The following KCTD1 variants were observed in gnomAD, a reference collection of about 807,000 sequenced individuals.
The protein encoded by KCTD1 is BTB/POZ domain-containing protein KCTD1.
KCTD1 carries 24 observed loss-of-function variants against 66.0 expected under a neutral mutation model. That is an observed-to-expected ratio of 0.36 (90% CI 0.26 to 0.51). The LOEUF is 0.51. Among genes scored for constraint, KCTD1 ranks in the 20% least tolerant of loss-of-function variants. The pLI is 0.95. For missense variants in KCTD1, 943 were observed against 1,205.2 expected (o/e 0.78, Z 3.22); for synonymous variants, 511 against 517.2 (o/e 0.99, Z 0.16).
intron 1 of KCTD1, among the ~76,000 whole-genome samples, chr18:26,578,144 C>G (rs1986274131): frequency 6.7e-6 from 1 of 149,150 alleles, no homozygotes; most frequent in Non-Finnish European, 1.5e-5. Flanking sequence ...GCAACCTCAG[C>G]TTCCTGGGTT....
At chr18:26,471,147 C>A (rs183048645) in intron 3 of KCTD1, among the ~76,000 whole-genome samples, 28 of 152,180 alleles carry the variant, frequency 1.8e-4, no homozygotes, top group Admixed American at 6.5e-4. Context: ...AGTATACAGC[C>A]CCCCCAGGTC....
At chr18:26,608,543 C>A (rs1987066436) in intron 1 of KCTD1, among the ~76,000 whole-genome samples, 1 of 152,198 alleles carries the variant, frequency 6.6e-6, no homozygotes, top group Admixed American at 6.5e-5. Flanking sequence ...CCAGAAGGAG[C>A]CTGGGGGAGC....
intron 2 of KCTD1, among the ~76,000 whole-genome samples, chr18:26,479,939 CTA>C (rs1981547128): frequency 6.6e-6 from 1 of 152,090 alleles, no homozygotes; most frequent in African/African-American, 2.4e-5. Context: ...TGCCTGAAAA[CTA>C]TGTGGAACTC....
At chr18:26,622,468 C>T (rs1376361164) in intron 1 of KCTD1, among the ~76,000 whole-genome samples, 2 of 152,180 alleles carry the variant, frequency 1.3e-5, no homozygotes, top group East Asian at 3.8e-4. Flanking sequence ...GTGGGTAGCA[C>T]ACTGAATGTC....
At chr18:26,549,939 G>T, upstream of KCTD1, 2 of 341,712 alleles carry the variant, frequency 5.9e-6, no homozygotes, top group Non-Finnish European at 8.3e-6. Flanking sequence ...CCGCTCTCCC[G>T]GCCCAGGGGC....
chr18:26,534,564 T>G (rs535287850), intron 1 of KCTD1, among the ~76,000 whole-genome samples: 1 of 152,310 alleles, frequency 6.6e-6, no homozygotes, highest in East Asian at 1.9e-4. Context: ...CTCTCTCATT[T>G]TCCTCTAACC....
intron 1 of KCTD1, among the ~76,000 whole-genome samples, chr18:26,570,774 CT>C (rs1986089273): frequency 6.6e-6 from 1 of 152,148 alleles, no homozygotes; most frequent in South Asian, 2.1e-4. Context: ...GGGTTACCTC[CT>C]GATAAACCCA....
At chr18:26,599,583 T>G in intron 1 of KCTD1, 1 of 1,507,426 alleles carries the variant, frequency 6.6e-7, no homozygotes, top group East Asian at 2.3e-5. Flanking sequence ...GAATCCAGCT[T>G]TGACATTATT....
intron 1 of KCTD1, among the ~76,000 whole-genome samples, chr18:26,567,245 T>C (rs369671955): frequency 6.6e-6 from 1 of 152,158 alleles, no homozygotes; most frequent in Non-Finnish European, 1.5e-5. Flanking sequence ...AGATAAGAAA[T>C]CCCCAGGCAT....
intron 1 of KCTD1, among the ~76,000 whole-genome samples, chr18:26,647,013 G>A (rs1195375203): frequency 1.3e-5 from 2 of 152,156 alleles, no homozygotes; most frequent in African/African-American, 4.8e-5. Flanking sequence ...AGGTCTCTGT[G>A]ACTCCACTGG....
chr18:26,610,909 T>C (rs1275632403), intron 1 of KCTD1, among the ~76,000 whole-genome samples: 2 of 152,244 alleles, frequency 1.3e-5, no homozygotes, highest in Admixed American at 6.5e-5. Context: ...GTATGAGCAA[T>C]TTGACTAGGA....
chr18:26,567,722 C>T (rs766760022), intron 1 of KCTD1, among the ~76,000 whole-genome samples: 11 of 152,002 alleles, frequency 7.2e-5, no homozygotes, highest in Admixed American at 2.0e-4. Flanking sequence ...CTCCTAACTT[C>T]ATGATCCGCC....
At chr18:26,514,035 T>C (rs1328941641) in intron 1 of KCTD1, among the ~76,000 whole-genome samples, 1 of 152,216 alleles carries the variant, frequency 6.6e-6, no homozygotes, top group Non-Finnish European at 1.5e-5. Flanking sequence ...TGGGAAAGAT[T>C]CTTAGTGTCA....
chr18:26,567,493 T>G (rs954968713), intron 1 of KCTD1, among the ~76,000 whole-genome samples: 7 of 150,662 alleles, frequency 4.6e-5, no homozygotes, highest in South Asian at 2.1e-4. Flanking sequence ...TTGTTGTTTT[T>G]TTTTTTTTTT....
intron 2 of KCTD1, among the ~76,000 whole-genome samples, chr18:26,483,025 A>G (rs984677122): frequency 6.6e-6 from 1 of 152,206 alleles, no homozygotes; most frequent in Admixed American, 6.5e-5. Context: ...CTTTAGGAAA[A>G]GATTTCATTT....
chr18:26,595,090 T>C (rs1261123646), intron 1 of KCTD1, among the ~76,000 whole-genome samples: 1 of 152,158 alleles, frequency 6.6e-6, no homozygotes, highest in African/African-American at 2.4e-5. Context: ...TGGAGAACTC[T>C]GACTCATACA....
chr18:26,486,016 C>T (rs934929680), intron 2 of KCTD1, among the ~76,000 whole-genome samples: 4 of 150,188 alleles, frequency 2.7e-5, no homozygotes, highest in Non-Finnish European at 5.9e-5. Flanking sequence ...CGGGTTCAAG[C>T]GATTTTCCTG....
intron 1 of KCTD1, among the ~76,000 whole-genome samples, chr18:26,579,867 A>G (rs1986313534): frequency 6.6e-6 from 1 of 152,144 alleles, no homozygotes; most frequent in African/African-American, 2.4e-5. Flanking sequence ...CACACATTGG[A>G]AGGAGCCCCG....
At chr18:26,600,519 C>T (rs1400319575) in intron 1 of KCTD1, among the ~76,000 whole-genome samples, 1 of 152,022 alleles carries the variant, frequency 6.6e-6, no homozygotes. Flanking sequence ...TGTAGTGCTG[C>T]TGTGTATCAA....
Sources: allele counts gnomAD v4.1 joint callset (sites outside exome capture counted in the v4.1 genomes callset), GRCh38; gene constraint gnomAD v4.1.1; transcripts MANE v1.5; gene names NCBI Gene and HGNC (gene_info 2026-07-23, HGNC 2026-07-21).